Variants in FN1 observed in about 807,000 individuals in gnomAD.
The protein encoded by FN1 is fibronectin 1.
Under a neutral mutation model 297.3 loss-of-function variants are expected in FN1, and 106 were observed. That is an observed-to-expected ratio of 0.36 (90% CI 0.30 to 0.42). The LOEUF (loss-of-function observed/expected upper bound fraction) is 0.42, where lower values mean the gene tolerates loss of function less well. Among genes scored for constraint, FN1 ranks in the 10% least tolerant of loss-of-function variants. The probability of loss-of-function intolerance (pLI) is 1.00; values close to 1 mark genes in which losing one functional copy is unlikely to be tolerated. For missense variants in FN1, 2,690 were observed against 3,124.9 expected, an observed-to-expected ratio of 0.86 and a Z score of 3.32; for synonymous variants, 1,149 against 1,152.6, an observed-to-expected ratio of 1.00 and a Z score of 0.06.
chr2:215,425,011 T>C (rs1194714745), intron 7 of FN1, 83 bp downstream of exon 7: 11 of 1,254,958 alleles, frequency 8.8e-6, no homozygotes, highest in Non-Finnish European at 1.2e-5. Flanking sequence ...GTTTGTTTTA[T>C]TGTTTCACAT....
chr2:215,423,554 G>A, intron 8 of FN1, 28 bp from the exon 9 acceptor site: 4 of 1,609,298 alleles, frequency 2.5e-6, no homozygotes, highest in South Asian at 2.2e-5. Flanking sequence ...CAACAAAGAA[G>A]GAAAAGATTA....
At position 215,370,316 on chromosome 2, in the gene FN1, C is replaced by T. The variant is rs763740345; in HGVS notation, c.6831G>A (p.Glu2277=). Residue 2277 remains glutamate, a synonymous_variant, in exon 41 of 46, where the codon GAG becomes GAA. Coordinates refer to ENST00000354785, the MANE Select transcript of FN1 (RefSeq NM_212482.4). ...TACCAGAGTTGCCCACGGTAACAAC[C>T]TCTTCCCGAACCTTATGCCTCTGCT... ...KDQQRHKVRE[E]VVTVGNSVNE... The T allele has an allele frequency of 1.9e-6, 3 of 1,614,006 alleles. No individual in the cohort carries two copies. Among genetic ancestry groups the T allele is most frequent in the Non-Finnish European group, 2.5e-6 (3 of 1,180,010 alleles).
At position 215,397,779 on chromosome 2, in the gene FN1, C is replaced by T. The variant is rs1306126732; in HGVS notation, c.3418G>A (p.Val1140Met). The change falls in exon 22 of 46, where the codon GTG (valine) becomes ATG (methionine). Residue 1140 changes from valine to methionine, a missense_variant. Val to Met is a conservative substitution (Grantham distance 21). Transcript: ENST00000354785. ...EVTSDSGSIV[V>M]SGLTPGVEYV... Reference sequence around the variant, plus strand: ...TCTACTCCTGGAGTCAAGCCGGACACAACGATGCTTCCTGAGTCTGAAGTC... The same window carrying T: ...TCTACTCCTGGAGTCAAGCCGGACATAACGATGCTTCCTGAGTCTGAAGTC... 3 of 1,614,076 alleles carry T rather than the reference C, an allele frequency of 1.9e-6. No homozygotes were observed. The highest frequency in any genetic ancestry group is 2.7e-5 in the African/African-American group (2 of 74,950).
In FN1 at chr2:215,409,917, G is replaced by A. The variant is rs763350046; in HGVS notation, c.2122+17C>T. On this transcript the variant is annotated intron_variant, in intron 14 of 45. Coordinates refer to ENST00000354785, the MANE Select transcript of FN1 (RefSeq NM_212482.4). ...GAACCTCGGGGGTAGGAGGCATGAG[G>A]GTGGTTGTGTACATACTGGTCACAG... The A allele has an allele frequency of 6.2e-7, 1 of 1,613,602 alleles. No individual in the cohort carries two copies. Among genetic ancestry groups the A allele is most frequent in the Non-Finnish European group, 8.5e-7 (1 of 1,179,904 alleles).
intron 10 of FN1, among the ~76,000 whole-genome samples, chr2:215,421,602 A>C (rs984402389): frequency 1.3e-5 from 2 of 152,242 alleles, no homozygotes; most frequent in Non-Finnish European, 2.9e-5. Flanking sequence ...AACACTTTTA[A>C]AAAGTCAATA....
rs749276956 is a variant in FN1, at chr2:215,408,141, C to A, written c.2485G>T (p.Val829Phe). ...VDQVDDTSIV[V>F]RWSRPQAPIT... The stretch of plus-strand genomic sequence containing the variant: ...GGAGCCTGGGGTCTGCTCCAGCGAA[C>A]AACAATTGAGGTGTCATCAACTTGG... Residue 829 changes from valine (V) to phenylalanine (F), a missense_variant, in exon 17 of 46, where the codon GTT becomes TTT. By Grantham distance (50) the Val-to-Phe change is conservative (BLOSUM62 -1). Around this residue, in one of 3 missense-constraint regions of FN1, gnomAD observed 876 missense variants for 1,058.1 expected, o/e 0.83. Coordinates refer to ENST00000354785, the MANE Select transcript of FN1 (RefSeq NM_212482.4). 3 of 1,613,934 alleles carry A rather than the reference C, an allele frequency of 1.9e-6. No homozygotes were observed. The highest frequency in any genetic ancestry group is 2.5e-6 in the Non-Finnish European group (3 of 1,180,026).
intron 20 of FN1, among the ~76,000 whole-genome samples, chr2:215,401,167 GAA>G (rs1443756656): frequency 3.5e-5 from 5 of 142,358 alleles, no homozygotes; most frequent in African/African-American, 1.3e-4. Context: ...AAGAAAGAAA[GAA>G]AGAGAGAGAG....
At chr2:215,367,612 G>T in intron 42 of FN1, 2 of 503,986 alleles carry the variant, frequency 4.0e-6, no homozygotes, top group South Asian at 2.1e-5. Context: ...AATCAAATTA[G>T]CACCATAATC....
chr2:215,401,169 AAGAGAGAG>A (rs577845927), intron 20 of FN1, among the ~76,000 whole-genome samples: 1 of 127,156 alleles, frequency 7.9e-6, no homozygotes, highest in Non-Finnish European at 1.7e-5. Flanking sequence ...GAAAGAAAGA[AAGAGAGAG>A]AGAGTGAGAG....
intron 41 of FN1, 80 bp from the exon 42 acceptor site, chr2:215,368,107 T>A: frequency 7.1e-7 from 1 of 1,402,848 alleles, no homozygotes; most frequent in Non-Finnish European, 1.0e-6. Context: ...CGAATGACTG[T>A]ATACAATGAC....
At chr2:215,401,095 CAA>C (rs201488353) in intron 20 of FN1, among the ~76,000 whole-genome samples, 17 of 128,512 alleles carry the variant, frequency 1.3e-4, no homozygotes, top group South Asian at 7.8e-4. Flanking sequence ...CACACCTGGC[CAA>C]AAAAAAAAAA....
Position 215,378,257 on chromosome 2 carries a change from G to C in FN1, c.5628C>G (p.Ala1876=), listed in dbSNP as rs2057662486. 1 of 1,605,004 alleles carries C rather than the reference G, an allele frequency of 6.2e-7. No homozygotes were observed. The highest frequency in any genetic ancestry group is 1.1e-5 in the South Asian group (1 of 90,930). ...SSVVVSGLMV[A]TKYEVSVYAL... ...CATAGACACTCACTTCATATTTGGT[G>C]GCCACCTAGAGAAATAAGGGCATGG... The change falls in exon 35 of 46, where the codon GCC becomes GCG. Residue 1876 remains alanine (A), a synonymous_variant. Transcript: ENST00000354785.
intron 9 of FN1, among the ~76,000 whole-genome samples, chr2:215,422,864 G>A (rs2064663665): frequency 6.6e-6 from 1 of 152,076 alleles, no homozygotes; most frequent in South Asian, 2.1e-4. Context: ...AAAAAAGAGT[G>A]AGATTCCCTA....
intron 7 of FN1, 63 bp from the exon 8 acceptor site, chr2:215,424,388 T>G: frequency 7.3e-7 from 1 of 1,364,334 alleles, no homozygotes. Context: ...CAGCAGCTGC[T>G]TATTTATGGC....
chr2:215,370,540 C>CAAACAAAAAAAAAAAAAAAAA, intron 40 of FN1, 108 bp from the exon 41 acceptor site: 1 of 303,004 alleles, frequency 3.3e-6, no homozygotes, highest in South Asian at 7.2e-5. Flanking sequence ...CAAAGGAAGA[C>CAAACAAAAAAAAAAAAAAAAA]AAAAAACAAA....
rs536936157 is a variant in FN1 at position 215,411,961 on chromosome 2, C to G, written c.1942-1847G>C. ...GGATTACAGGCGTGAGCCACTGCGCCTGGCCCAAAGTACATTTTATACCAC... is the reference window on the plus strand; with the variant it reads ...GGATTACAGGCGTGAGCCACTGCGCGTGGCCCAAAGTACATTTTATACCAC... On this transcript the variant is annotated intron_variant, in intron 13 of 45. Transcript: ENST00000354785. Among the ~76,000 whole-genome samples the G allele has an allele frequency of 3.3e-5, 5 of 152,226 alleles. No homozygotes were observed. In the East Asian group the frequency reaches 9.7e-4, roughly 29 times the overall value.
chr2:215,379,719 G>T (rs750320311), intron 33 of FN1: 1 of 244,596 alleles, frequency 4.1e-6, no homozygotes, highest in Non-Finnish European at 8.0e-6. Context: ...ATTTAGAAAC[G>T]GTCTCTCTGT....
In FN1 at chr2:215,386,913, T is replaced by C. The variant is rs2059090179; in HGVS notation, c.4388A>G (p.Asn1463Ser). ...AGCAATCCAGTGCACAGTAAAAGAG[T>C]TGGCAGTAATATCAGAAAAGTCAAT... ...TGIDFSDITA[N>S]SFTVHWIAPR... Residue 1463 changes from asparagine (N) to serine (S), a missense_variant, in exon 28 of 46, where the codon AAC becomes AGC. Asn to Ser is a conservative substitution (Grantham distance 46). Around this residue, in one of 3 missense-constraint regions of FN1, gnomAD observed 1,743 missense variants for 1,945.2 expected, o/e 0.90. Transcript: ENST00000354785. 1.9e-6 allele frequency: 3 copies of C among 1,612,800 alleles called. No individual in the cohort carries two copies. The highest frequency in any genetic ancestry group is 2.5e-6 in the Non-Finnish European group (3 of 1,179,674).
intron 20 of FN1, among the ~76,000 whole-genome samples, chr2:215,403,641 A>G (rs1484117537): frequency 6.6e-6 from 1 of 152,190 alleles, no homozygotes; most frequent in Non-Finnish European, 1.5e-5. Flanking sequence ...CGGTTTGTGA[A>G]TAGAGGTTGT....
Sources: allele counts gnomAD v4.1 joint callset (sites outside exome capture counted in the v4.1 genomes callset), GRCh38; gene constraint gnomAD v4.1.1; regional missense constraint gnomAD v4.1.1; transcripts MANE v1.5; gene names NCBI Gene and HGNC (gene_info 2026-07-23, HGNC 2026-07-21).